CECR2: variants seen among roughly 807,000 people sequenced by gnomAD.
The protein encoded by CECR2 is chromatin remodeling regulator CECR2.
A neutral mutation model predicts 154.5 loss-of-function variants in CECR2; 30 were observed. The ratio of observed to expected loss-of-function variants is 0.19; its 90% CI spans 0.15 to 0.26. The LOEUF (loss-of-function observed/expected upper bound fraction) is 0.26, where lower values mean the gene tolerates loss of function less well. Among genes scored for constraint, CECR2 ranks in the 10% least tolerant of loss-of-function variants. The probability of loss-of-function intolerance (pLI) is 1.00; values close to 1 mark genes in which losing one functional copy is unlikely to be tolerated. For missense variants in CECR2, 1,743 were observed against 1,829.3 expected (o/e 0.95, Z 0.86); for synonymous variants, 725 against 683.7 (o/e 1.06, Z -0.94).
chr22:17,466,693 C>G (rs2055038684), intron 1 of CECR2, among the ~76,000 whole-genome samples: 1 of 151,692 alleles, frequency 6.6e-6, no homozygotes, highest in Non-Finnish European at 1.5e-5. Flanking sequence ...CTCCCGGGTT[C>G]AAGCAATTCT....
At chr22:17,544,232 C>T (rs2056574773) in intron 16 of CECR2, among the ~76,000 whole-genome samples, 1 of 152,132 alleles carries the variant, frequency 6.6e-6, no homozygotes, top group Non-Finnish European at 1.5e-5. Context: ...GGCGCGGTGG[C>T]TGACGCCTGT....
rs190833928 is a variant in CECR2, at chr22:17,427,377, C to G, written c.127-50211C>G. ...ATTTATAATCCTTTGGGTATATACC[C>G]AGTAATGGGATCACTGAGTCAAATG... On this transcript the variant is annotated intron_variant, in intron 1 of 18. Transcript: ENST00000262608. Among the ~76,000 whole-genome samples the G allele has an allele frequency of 2.7e-4, 41 of 152,232 alleles. 1 individual carries two copies. In the East Asian group the frequency reaches 7.3e-3, roughly 27 times the overall value.
chr22:17,436,291 T>G (rs2054506058), intron 1 of CECR2, among the ~76,000 whole-genome samples: 1 of 152,216 alleles, frequency 6.6e-6, no homozygotes, highest in Admixed American at 6.5e-5. Context: ...GCTGTTAGCT[T>G]AAATTATGCC....
chr22:17,435,942 C>A (rs1260668397), intron 1 of CECR2, among the ~76,000 whole-genome samples: 1 of 152,058 alleles, frequency 6.6e-6, no homozygotes, highest in Non-Finnish European at 1.5e-5. Flanking sequence ...CTTTTCTTTT[C>A]TTTACCTTCT....
Position 17,435,989 on chromosome 22 carries a change from C to T in CECR2, c.127-41599C>T, listed in dbSNP as rs546418105. On this transcript the variant is annotated intron_variant, in intron 1 of 18. Coordinates refer to ENST00000262608, the MANE Select transcript of CECR2 (RefSeq NM_001290047.2). ...CCTCCCTCCCTCCCTCTGTCTGTCT[C>T]GCTCTGTCACCCAGGCTGGAGTGCA... is the stretch of plus-strand genomic sequence containing the variant. Among the ~76,000 whole-genome samples the T allele has an allele frequency of 6.8e-4, 103 of 152,274 alleles. 1 individual carries two copies. Among genetic ancestry groups the T allele is most frequent in the South Asian group, 2.3e-3 (11 of 4,822 alleles).
intron 3 of CECR2, among the ~76,000 whole-genome samples, chr22:17,498,408 A>T (rs897675819): frequency 1.3e-4 from 19 of 142,224 alleles, no homozygotes; most frequent in Non-Finnish European, 2.2e-4. Context: ...AAAAAAAAGT[A>T]TATCCTCAAG....
At chr22:17,466,598 C>CCTTTTTTTTTT (rs555359003) in intron 1 of CECR2, among the ~76,000 whole-genome samples, 7 of 140,180 alleles carry the variant, frequency 5.0e-5, no homozygotes, top group African/African-American at 7.8e-5. Context: ...AAAACCTTGC[C>CCTTTTTTTTTT]TTTTTTTTTT....
chr22:17,466,727 T>G (rs1274820642), intron 1 of CECR2, among the ~76,000 whole-genome samples: 3 of 152,036 alleles, frequency 2.0e-5, no homozygotes, highest in Admixed American at 1.3e-4. Context: ...CCTGAGTAGA[T>G]GGGATTACAG....
intron 1 of CECR2, among the ~76,000 whole-genome samples, chr22:17,373,853 C>T (rs1269420360): frequency 6.6e-6 from 1 of 152,228 alleles, no homozygotes; most frequent in Non-Finnish European, 1.5e-5. Flanking sequence ...CAATTTTATA[C>T]CACTTCAGTT....
intron 9 of CECR2, among the ~76,000 whole-genome samples, chr22:17,529,177 G>T (rs1569144547): frequency 6.6e-6 from 1 of 152,214 alleles, no homozygotes; most frequent in African/African-American, 2.4e-5. Flanking sequence ...TGAAGCGGAA[G>T]GCGCAGTGCA....
intron 1 of CECR2, among the ~76,000 whole-genome samples, chr22:17,361,342 C>T (rs2062976146): frequency 6.6e-6 from 1 of 152,062 alleles, no homozygotes; most frequent in African/African-American, 2.4e-5. Flanking sequence ...CAAAAATTAG[C>T]CGGGCTGGTG....
At chr22:17,439,770 C>T (rs533664828) in intron 1 of CECR2, among the ~76,000 whole-genome samples, 2 of 152,232 alleles carry the variant, frequency 1.3e-5, no homozygotes, top group South Asian at 4.2e-4. Flanking sequence ...AAAACAACTG[C>T]CGTGCAATGG....
At chr22:17,475,130 G>T (rs1426906015) in intron 1 of CECR2, among the ~76,000 whole-genome samples, 1 of 152,136 alleles carries the variant, frequency 6.6e-6, no homozygotes, top group East Asian at 1.9e-4. Context: ...GAGCAGCGTG[G>T]GGGAGCTTGG....
intron 1 of CECR2, among the ~76,000 whole-genome samples, chr22:17,404,364 C>CCTTTTTTTTTTTTTTTTTTT (rs781954770): frequency 1.7e-5 from 1 of 59,608 alleles, no homozygotes; most frequent in African/African-American, 7.5e-5. Flanking sequence ...GGACCCTGTT[C>CCTTTTTTTTTTTTTTTTTTT]TTTCTTTTTT....
At chr22:17,454,316 C>T (rs982436846) in intron 1 of CECR2, among the ~76,000 whole-genome samples, 6 of 151,726 alleles carry the variant, frequency 4.0e-5, no homozygotes, top group African/African-American at 1.5e-4. Flanking sequence ...TGCAGCTGGC[C>T]AGGCGTGGTG....
Position 17,524,256 on chromosome 22 carries a change from G to A in CECR2, c.1093G>A (p.Val365Ile). ...EERKRELEEK[V>I]KAVEDRAKRR... ...GAGGAAACGCGAGTTGGAGGAGAAG[G>A]TCAAGGCAGTGGAAGGTATGTGCAG... The change falls in exon 9 of 19, where the codon GTC becomes ATC. Residue 365 changes from valine to isoleucine, a missense_variant. This residue lies in a region of CECR2 where 292 missense variants were observed against 301.2 expected (regional missense o/e 0.97). Coordinates refer to ENST00000262608, the MANE Select transcript of CECR2 (RefSeq NM_001290047.2). 1 of 1,609,254 alleles carries A rather than the reference G, an allele frequency of 6.2e-7. No individual in the cohort carries two copies. The highest frequency in any genetic ancestry group is 1.1e-5 in the South Asian group (1 of 89,826).
chr22:17,542,608 A>G lies in CECR2; in HGVS notation c.2465A>G (p.Gln822Arg). The G allele has an allele frequency of 6.2e-7, 1 of 1,613,950 alleles. No individual in the cohort carries two copies. The highest frequency in any genetic ancestry group is 1.3e-5 in the African/African-American group (1 of 75,036). Residue 822 changes from glutamine to arginine, a missense_variant, in exon 16 of 19, where the codon CAG becomes CGG. Physicochemically the swap from Gln to Arg is conservative, Grantham distance 43. Around this residue, in one of 4 missense-constraint regions of CECR2, gnomAD observed 1,250 missense variants for 1,192.1 expected, o/e 1.05. Transcript: ENST00000262608. The part of the protein sequence containing the change: ...RVMRPPVPPN[Q>R]WTEQSGFLPH... ...ATGAGACCACCTGTCCCCCCCAACC[A>G]GTGGACTGAACAATCAGGCTTCCTA... is the stretch of plus-strand genomic sequence containing the variant.
At chr22:17,537,066 G>A in intron 9 of CECR2, 37 bp from the exon 10 acceptor site, 1 of 1,610,300 alleles carries the variant, frequency 6.2e-7, no homozygotes, top group Non-Finnish European at 8.5e-7. Context: ...AGTGTCTGGA[G>A]TGTGCTTAGC....
At chr22:17,459,080 T>C (rs1462147464) in intron 1 of CECR2, among the ~76,000 whole-genome samples, 2 of 152,200 alleles carry the variant, frequency 1.3e-5, no homozygotes, top group Admixed American at 1.3e-4. Context: ...CTCTCCCTTC[T>C]GATTATTGAG....
Sources: gnomAD v4.1 joint callset for allele counts (sites outside exome capture counted in the v4.1 genomes callset) on GRCh38, gnomAD v4.1.1 for gene constraint, gnomAD v4.1.1 regional missense constraint, MANE v1.5 for transcripts, NCBI Gene and HGNC (gene_info 2026-07-23, HGNC 2026-07-21) for gene names.